Variants in COL25A1 observed in about 807,000 individuals in gnomAD.
The protein encoded by COL25A1 is collagen alpha-1(XXV) chain.
In COL25A1, 103 loss-of-function variants were observed where a neutral mutation model predicts 128.4. The observed-to-expected ratio is 0.80, with a 90% CI of 0.68 to 0.94. The LOEUF (loss-of-function observed/expected upper bound fraction) is 0.94, where lower values mean the gene tolerates loss of function less well. COL25A1 is among the 40% of genes least tolerant of loss of function. The probability of loss-of-function intolerance (pLI) is 0.00; values close to 1 mark genes in which losing one functional copy is unlikely to be tolerated. For synonymous variants in COL25A1, 279 were observed against 277.2 expected, an observed-to-expected ratio of 1.01 and a Z score of -0.06; for missense variants, 745 against 840.0, an observed-to-expected ratio of 0.89 and a Z score of 1.40.
At position 109,203,545 on chromosome 4, in the gene COL25A1, T is replaced by C. The variant is rs563348821; in HGVS notation, c.367+97038A>G. 2.3e-3 allele frequency among the ~76,000 whole-genome samples: 345 copies of C among 152,106 alleles called. 1 individual carries two copies. Among genetic ancestry groups the C allele is most frequent in the African/African-American group, 7.6e-3 (317 of 41,518 alleles). ...GGGGAAGCTTCAGGAAAGCAATTTC[T>C]AAGGCCAGAGACCACCAGTCCAGAG... On this transcript the variant is annotated intron_variant, in intron 3 of 37. Coordinates refer to ENST00000399132, the MANE Select transcript of COL25A1 (RefSeq NM_198721.4).
intron 6 of COL25A1, among the ~76,000 whole-genome samples, chr4:108,981,139 T>C (rs1164735641): frequency 2.6e-5 from 4 of 152,208 alleles, no homozygotes; most frequent in Non-Finnish European, 5.9e-5. Context: ...GTATTAACAA[T>C]TGAAAATCTA....
chr4:108,952,381 TAGA>T (rs550832677), intron 8 of COL25A1, among the ~76,000 whole-genome samples: 25 of 152,292 alleles, frequency 1.6e-4, no homozygotes, highest in African/African-American at 5.5e-4. Context: ...AAGTCCTGTT[TAGA>T]AGGTCAATTT....
intron 8 of COL25A1, among the ~76,000 whole-genome samples, chr4:108,944,880 T>G (rs1019201669): frequency 3.7e-4 from 57 of 152,136 alleles, no homozygotes; most frequent in African/African-American, 1.2e-3. Flanking sequence ...TGCTACCAAT[T>G]AGGTGTTTAG....
chr4:109,207,466 C>G (rs1189479706), intron 3 of COL25A1, among the ~76,000 whole-genome samples: 1 of 152,140 alleles, frequency 6.6e-6, no homozygotes, highest in African/African-American at 2.4e-5. Flanking sequence ...GATGGCTTGT[C>G]CCTGAGGTTT....
chr4:108,874,632 G>T (rs980839041), intron 19 of COL25A1, among the ~76,000 whole-genome samples: 11 of 152,128 alleles, frequency 7.2e-5, no homozygotes, highest in African/African-American at 2.7e-4. Context: ...TAAACAGGCA[G>T]ACTGCAAGTA....
chr4:108,982,148 C>T (rs1341573277), intron 6 of COL25A1, among the ~76,000 whole-genome samples: 3 of 152,138 alleles, frequency 2.0e-5, no homozygotes, highest in Non-Finnish European at 4.4e-5. Flanking sequence ...GAGCTGAGAT[C>T]GTGCCACTGC....
chr4:108,879,310 A>G (rs1739824932), intron 19 of COL25A1, among the ~76,000 whole-genome samples: 1 of 152,218 alleles, frequency 6.6e-6, no homozygotes, highest in Admixed American at 6.5e-5. Flanking sequence ...GAAGCATGAT[A>G]CTACTGTGAA....
At chr4:109,181,414 T>C (rs928868761) in intron 3 of COL25A1, among the ~76,000 whole-genome samples, 2 of 152,268 alleles carry the variant, frequency 1.3e-5, no homozygotes, top group African/African-American at 2.4e-5. Context: ...CATATGCCCA[T>C]ATGAAATACA....
intron 6 of COL25A1, among the ~76,000 whole-genome samples, chr4:109,004,205 A>T (rs1287021262): frequency 6.6e-6 from 1 of 152,168 alleles, no homozygotes; most frequent in Non-Finnish European, 1.5e-5. Context: ...ACTGTAAAAG[A>T]GTTTGTTGCC....
intron 3 of COL25A1, among the ~76,000 whole-genome samples, chr4:109,295,625 C>A (rs1199771520): frequency 1.3e-5 from 2 of 151,932 alleles, no homozygotes; most frequent in African/African-American, 4.8e-5. Context: ...CTAGGAAACA[C>A]AAGTTTTATG....
intron 5 of COL25A1, among the ~76,000 whole-genome samples, chr4:109,012,694 G>C (rs1351761842): frequency 6.6e-6 from 1 of 152,170 alleles, no homozygotes; most frequent in Non-Finnish European, 1.5e-5. Flanking sequence ...AATTCTCACC[G>C]GGCCTCAGCC....
At chr4:108,844,689 A>G in intron 29 of COL25A1, 120 bp from the exon 30 acceptor site, 1 of 1,349,372 alleles carries the variant, frequency 7.4e-7, no homozygotes, top group South Asian at 1.6e-5. Context: ...GAAAGATACT[A>G]GAATAAGTGA....
intron 3 of COL25A1, among the ~76,000 whole-genome samples, chr4:109,050,897 G>T (rs868486755): frequency 3.4e-5 from 5 of 149,058 alleles, no homozygotes; most frequent in African/African-American, 1.2e-4. Flanking sequence ...TTTTTTTTTG[G>T]TAAGTTACCG....
At chr4:108,866,505 T>A (rs1737943073) in intron 20 of COL25A1, among the ~76,000 whole-genome samples, 1 of 152,216 alleles carries the variant, frequency 6.6e-6, no homozygotes, top group African/African-American at 2.4e-5. Context: ...CTCCCCCTAT[T>A]TCCTTAGCCT....
intron 19 of COL25A1, among the ~76,000 whole-genome samples, chr4:108,875,290 G>A (rs1739307403): frequency 6.6e-6 from 1 of 152,162 alleles, no homozygotes; most frequent in South Asian, 2.1e-4. Flanking sequence ...CAGAATGGGA[G>A]AAAATTTTTG....
At chr4:108,818,754 A>C (rs1731481746) in intron 36 of COL25A1, among the ~76,000 whole-genome samples, 1 of 152,166 alleles carries the variant, frequency 6.6e-6, no homozygotes. Context: ...GTGGTCTCTT[A>C]AAGCATTCTC....
chr4:108,918,790 C>G (rs1745156391), intron 12 of COL25A1, among the ~76,000 whole-genome samples: 1 of 152,136 alleles, frequency 6.6e-6, no homozygotes, highest in Non-Finnish European at 1.5e-5. Flanking sequence ...TATACACTGA[C>G]CAGGAACAAC....
chr4:108,817,835 G>A (rs1247568053), intron 36 of COL25A1, among the ~76,000 whole-genome samples: 1 of 151,960 alleles, frequency 6.6e-6, no homozygotes, highest in Non-Finnish European at 1.5e-5. Context: ...TTAGACTATG[G>A]CTGAATTCAT....
intron 8 of COL25A1, among the ~76,000 whole-genome samples, chr4:108,961,690 T>C (rs551298460): frequency 7.2e-5 from 11 of 152,248 alleles, no homozygotes; most frequent in Non-Finnish European, 1.5e-4. Context: ...TCCTTCATTC[T>C]GTACTTCCTA....
Sources: gnomAD v4.1 joint callset for allele counts (sites outside exome capture counted in the v4.1 genomes callset) on GRCh38, gnomAD v4.1.1 for gene constraint, MANE v1.5 for transcripts, NCBI Gene and HGNC (gene_info 2026-07-23, HGNC 2026-07-21) for gene names.